FAT4: variants seen among roughly 807,000 people sequenced by gnomAD.
FAT4 encodes the protein protocadherin Fat 4.
In FAT4, 84 loss-of-function variants were observed where a neutral mutation model predicts 303.9. The observed-to-expected ratio is 0.28, with a 90% CI of 0.23 to 0.33. The LOEUF is 0.33. FAT4 is among the 10% of genes least tolerant of loss of function. The pLI, the probability that FAT4 is intolerant of heterozygous loss-of-function variation, is 1.00. For synonymous variants in FAT4, 2,307 were observed against 2,298.8 expected, an observed-to-expected ratio of 1.00 and a Z score of -0.10; for missense variants, 6,005 against 6,146.8, an observed-to-expected ratio of 0.98 and a Z score of 0.77.
intron 7 of FAT4, among the ~76,000 whole-genome samples, chr4:125,422,750 AG>A (rs1352571147): frequency 1.3e-5 from 2 of 152,198 alleles, no homozygotes; most frequent in Non-Finnish European, 2.9e-5. Flanking sequence ...AAAATACCAA[AG>A]TGACTTTGGA....
chr4:125,413,457 A>G (rs564805963), intron 5 of FAT4, among the ~76,000 whole-genome samples: 4 of 152,096 alleles, frequency 2.6e-5, no homozygotes, highest in African/African-American at 7.2e-5. Flanking sequence ...GAAAAAATAA[A>G]CTACGCTTTC....
intron 5 of FAT4, among the ~76,000 whole-genome samples, chr4:125,409,945 T>A (rs1180390539): frequency 6.6e-6 from 1 of 152,138 alleles, no homozygotes; most frequent in Admixed American, 6.6e-5. Context: ...CATATCTATC[T>A]CAATTTAGAA....
intron 2 of FAT4, among the ~76,000 whole-genome samples, chr4:125,356,840 A>G (rs1455477254): frequency 6.6e-6 from 1 of 151,092 alleles, no homozygotes; most frequent in Non-Finnish European, 1.5e-5. Flanking sequence ...GAAATCATAG[A>G]TATCTGTATA....
At chr4:125,380,272 T>C (rs1317691827) in intron 2 of FAT4, among the ~76,000 whole-genome samples, 1 of 152,150 alleles carries the variant, frequency 6.6e-6, no homozygotes, top group East Asian at 1.9e-4. Context: ...ACTTTGGCTG[T>C]TGGGAAAATG....
chr4:125,377,516 A>C (rs921510548), intron 2 of FAT4, among the ~76,000 whole-genome samples: 1 of 152,144 alleles, frequency 6.6e-6, no homozygotes, highest in Non-Finnish European at 1.5e-5. Context: ...GCTTAAATGT[A>C]AACCTTTAGA....
chr4:125,410,535 T>A (rs181014832), intron 5 of FAT4, among the ~76,000 whole-genome samples: 23 of 152,298 alleles, frequency 1.5e-4, no homozygotes, highest in Admixed American at 1.3e-3. Flanking sequence ...AATCATGTAT[T>A]CTTATTTGTC....
At position 125,376,320 on chromosome 4, in the gene FAT4, A is replaced by G. The variant is rs564996392; in HGVS notation, c.5176-22464A>G. On this transcript the variant is annotated intron_variant, in intron 2 of 17. Transcript: ENST00000394329. ...TTTAAATTTAAATCAAACAGTTCTC[A>G]CTGAAATAATTAGGGGTAAAATGGA... 3.3e-5 allele frequency among the ~76,000 whole-genome samples: 5 copies of G among 152,302 alleles called. No homozygotes were observed. The South Asian group carries it at 8.3e-4, about 25-fold the overall frequency.
rs368154283 is a variant in FAT4 at position 125,450,237 on chromosome 4, C to T, written c.9227C>T (p.Thr3076Ile). The change falls in exon 10 of 18, where the codon ACT becomes ATT. Residue 3076 changes from threonine (T) to isoleucine (I), a missense_variant. Transcript: ENST00000394329. The part of the protein sequence containing the change: ...KGNPPLSSQA[T>I]VHITVTEENY... ...AACCCTCCACTTTCTTCCCAAGCAA[C>T]TGTTCACATAACTGTCACTGAGGAA... The T allele has an allele frequency of 6.8e-6, 11 of 1,613,932 alleles. No homozygotes were observed. Among genetic ancestry groups the T allele is most frequent in the Non-Finnish European group, 9.3e-6 (11 of 1,180,006 alleles).
At chr4:125,392,875 G>A (rs2126008171) in intron 2 of FAT4, among the ~76,000 whole-genome samples, 1 of 152,132 alleles carries the variant, frequency 6.6e-6, no homozygotes, top group East Asian at 1.9e-4. Flanking sequence ...TTGCTCCACA[G>A]CCCTGGCTGT....
intron 3 of FAT4, among the ~76,000 whole-genome samples, chr4:125,405,364 G>T (rs538408932): frequency 6.6e-6 from 1 of 152,034 alleles, no homozygotes; most frequent in South Asian, 2.1e-4. Flanking sequence ...GTGTACAAGG[G>T]TTCCAATTTC....
intron 2 of FAT4, among the ~76,000 whole-genome samples, chr4:125,352,515 G>C (rs1252405303): frequency 1.3e-5 from 2 of 151,668 alleles, no homozygotes; most frequent in Non-Finnish European, 3.0e-5. Flanking sequence ...CAACATATTT[G>C]GGAAATACAT....
Position 125,487,307 on chromosome 4 carries a change from A to G in FAT4, c.12823-38A>G, listed in dbSNP as rs748754024. On this transcript the variant is annotated intron_variant, in intron 16 of 17. Coordinates refer to ENST00000394329, the MANE Select transcript of FAT4 (RefSeq NM_001291303.3). ...TTAATGATTTTTATTTAAGCATACC[A>G]TATTTTAATTGCATACTATTTTTAA... is the stretch of plus-strand genomic sequence containing the variant. 5 of 1,570,408 alleles carry G rather than the reference A, an allele frequency of 3.2e-6. No homozygotes were observed. The South Asian group carries it at 5.8e-5, about 18-fold the overall frequency.
intron 2 of FAT4, among the ~76,000 whole-genome samples, chr4:125,381,171 C>T (rs2125998907): frequency 6.6e-6 from 1 of 152,234 alleles, no homozygotes; most frequent in Non-Finnish European, 1.5e-5. Flanking sequence ...AATAAATTTA[C>T]CCAGTTAGTC....
At chr4:125,377,938 A>C (rs954547399) in intron 2 of FAT4, among the ~76,000 whole-genome samples, 2 of 152,092 alleles carry the variant, frequency 1.3e-5, no homozygotes, top group African/African-American at 4.8e-5. Flanking sequence ...TATTTACTTT[A>C]ATAACAGTTT....
At chr4:125,361,549 T>C (rs570994733) in intron 2 of FAT4, among the ~76,000 whole-genome samples, 1 of 152,162 alleles carries the variant, frequency 6.6e-6, no homozygotes, top group African/African-American at 2.4e-5. Flanking sequence ...GCAACCTTGA[T>C]TGAGACTGTG....
intron 2 of FAT4, among the ~76,000 whole-genome samples, chr4:125,359,142 T>A (rs1732549621): frequency 6.6e-6 from 1 of 152,136 alleles, no homozygotes; most frequent in African/African-American, 2.4e-5. Context: ...TGGCACATCA[T>A]CACATAGTAG....
Position 125,449,937 on chromosome 4 carries a change from T to G in FAT4, c.8927T>G (p.Val2976Gly). ...GAGACAACAGTTACCATCAATATAG[T>G]GGACAGTAATGACAATGCACCTCAA... ...ISETTVTINI[V>G]DSNDNAPQFL... Residue 2976 changes from valine to glycine, a missense_variant, in exon 10 of 18, where the codon GTG becomes GGG. Coordinates refer to ENST00000394329, the MANE Select transcript of FAT4 (RefSeq NM_001291303.3). 21 of 1,613,812 alleles carry G rather than the reference T, an allele frequency of 1.3e-5. No individual in the cohort carries two copies. The highest frequency in any genetic ancestry group is 1.8e-5 in the Non-Finnish European group (21 of 1,179,902).
intron 2 of FAT4, among the ~76,000 whole-genome samples, chr4:125,396,619 T>C (rs1734181485): frequency 1.3e-5 from 2 of 152,036 alleles, no homozygotes; most frequent in African/African-American, 4.8e-5. Flanking sequence ...TACAAAATCA[T>C]ACATGCACAC....
intron 2 of FAT4, among the ~76,000 whole-genome samples, chr4:125,327,461 A>G (rs1235904810): frequency 1.3e-5 from 2 of 152,182 alleles, no homozygotes; most frequent in African/African-American, 2.4e-5. Flanking sequence ...TGTTTCTTTA[A>G]AAAACAGCCT....
Sources: gnomAD v4.1 joint callset for allele counts (sites outside exome capture counted in the v4.1 genomes callset) on GRCh38, gnomAD v4.1.1 for gene constraint, MANE v1.5 for transcripts, NCBI Gene and HGNC (gene_info 2026-07-23, HGNC 2026-07-21) for gene names.